PHLPP1: variants seen among roughly 807,000 people sequenced by gnomAD.
The protein encoded by PHLPP1 is PH domain leucine-rich repeat-containing protein phosphatase 1.
A neutral mutation model predicts 117.2 loss-of-function variants in PHLPP1; 42 were observed. The ratio of observed to expected loss-of-function variants is 0.36; its 90% CI spans 0.28 to 0.46. The LOEUF is 0.46. Among genes scored for constraint, PHLPP1 ranks in the 20% least tolerant of loss-of-function variants. PHLPP1 has a pLI of 1.00. For synonymous variants in PHLPP1, 1,042 were observed against 970.7 expected (o/e 1.07, Z -1.37); for missense variants, 2,084 against 2,241.9 (o/e 0.93, Z 1.42).
intron 1 of PHLPP1, among the ~76,000 whole-genome samples, chr18:62,795,492 CAAAAAAAA>C (rs11291832): frequency 4.9e-5 from 3 of 61,400 alleles, no homozygotes; most frequent in Non-Finnish European, 9.9e-5. Context: ...GACTCCATCT[CAAAAAAAA>C]AAAAAAAAAA....
At chr18:62,898,275 G>C (rs1770178186) in intron 6 of PHLPP1, among the ~76,000 whole-genome samples, 1 of 152,182 alleles carries the variant, frequency 6.6e-6, no homozygotes, top group South Asian at 2.1e-4. Context: ...ACAGAGTTCA[G>C]TGTCTTTCTT....
At chr18:62,882,486 C>A (rs962876330) in intron 4 of PHLPP1, among the ~76,000 whole-genome samples, 2 of 152,048 alleles carry the variant, frequency 1.3e-5, no homozygotes, top group African/African-American at 4.8e-5. Context: ...GTCTCAATCT[C>A]CTGACCTCGT....
At chr18:62,839,021 C>G in intron 3 of PHLPP1, 112 bp downstream of exon 3, 1 of 1,091,136 alleles carries the variant, frequency 9.2e-7, no homozygotes, top group Non-Finnish European at 1.3e-6. Flanking sequence ...TTTTTTTCCT[C>G]CCCAGATACT....
Position 62,941,862 on chromosome 18 carries a change from C to T in PHLPP1, c.3105C>T (p.His1035=), listed in dbSNP as rs1599133378. 1 of 1,613,800 alleles carries T rather than the reference C, an allele frequency of 6.2e-7. No individual in the cohort carries two copies. The part of the protein sequence containing the change: ...TDKCVPLLTG[H]PHLKILHMAY... ...AATGTGTGCCCTTGTTAACGGGACA[C>T]CCCCATTTGAAGATCCTTCACATGG... Residue 1035 remains histidine (H), a synonymous_variant, in exon 11 of 17, where the codon CAC becomes CAT. Coordinates refer to ENST00000262719, the MANE Select transcript of PHLPP1 (RefSeq NM_194449.4).
intron 1 of PHLPP1, among the ~76,000 whole-genome samples, chr18:62,824,929 A>G (rs941818009): frequency 2.0e-5 from 3 of 148,218 alleles, no homozygotes; most frequent in Non-Finnish European, 4.5e-5. Flanking sequence ...GCCAATATAT[A>G]TACTTTTTTT....
At chr18:62,853,621 C>T (rs928273250) in intron 3 of PHLPP1, among the ~76,000 whole-genome samples, 6 of 152,134 alleles carry the variant, frequency 3.9e-5, no homozygotes, top group African/African-American at 1.2e-4. Context: ...CTGCCCCCCT[C>T]GGCCCCACAA....
chr18:62,975,647 C>T, intron 16 of PHLPP1, 22 bp downstream of exon 16: 1 of 1,518,058 alleles, frequency 6.6e-7, no homozygotes, highest in Non-Finnish European at 9.2e-7. Context: ...GGGGTGTTGC[C>T]CAGGATGGTG....
chr18:62,965,268 G>C (rs765656714), intron 14 of PHLPP1, among the ~76,000 whole-genome samples: 13 of 152,028 alleles, frequency 8.6e-5, no homozygotes, highest in Non-Finnish European at 1.6e-4. Context: ...TTTAAACACA[G>C]AGTTTGCTGC....
intron 10 of PHLPP1, among the ~76,000 whole-genome samples, chr18:62,931,161 C>T (rs1355425481): frequency 6.6e-6 from 1 of 151,186 alleles, no homozygotes; most frequent in Non-Finnish European, 1.5e-5. Context: ...CACACCACTG[C>T]ACTCCAGCCT....
chr18:62,718,760 TTAAC>T (rs1336767525), intron 1 of PHLPP1, among the ~76,000 whole-genome samples: 1 of 152,214 alleles, frequency 6.6e-6, no homozygotes, highest in Non-Finnish European at 1.5e-5. Context: ...TAGGTGCCCT[TTAAC>T]TACATGGAAG....
intron 1 of PHLPP1, among the ~76,000 whole-genome samples, chr18:62,762,339 T>TA (rs35683641): frequency 0.038 from 5,376 of 142,206 alleles, 135 homozygotes; most frequent in Non-Finnish European, 0.051. Context: ...CTGTAATTAT[T>TA]AAAAAAAAAA....
intron 3 of PHLPP1, among the ~76,000 whole-genome samples, chr18:62,851,767 A>G (rs1915357113): frequency 1.3e-5 from 2 of 151,866 alleles, no homozygotes; most frequent in South Asian, 4.2e-4. Flanking sequence ...CCCATCTCTC[A>G]TTTTTAACCT....
At chr18:62,830,323 C>T (rs146087347) in intron 2 of PHLPP1, 92 bp downstream of exon 2, 1 of 1,003,408 alleles carries the variant, frequency 1.0e-6, no homozygotes, top group East Asian at 2.7e-5. Context: ...TCACTGCAAC[C>T]TCTGCCTCCT....
At chr18:62,968,214 C>T (rs907555991) in intron 14 of PHLPP1, among the ~76,000 whole-genome samples, 1 of 152,156 alleles carries the variant, frequency 6.6e-6, no homozygotes, top group Non-Finnish European at 1.5e-5. Context: ...TAGTCTGTAG[C>T]TCTCTTGTGA....
chr18:62,891,719 G>A (rs1184428539), intron 4 of PHLPP1, among the ~76,000 whole-genome samples: 2 of 125,760 alleles, frequency 1.6e-5, no homozygotes, highest in South Asian at 5.1e-4. Flanking sequence ...GCAAAACTTC[G>A]TCTCTACAAA....
intron 1 of PHLPP1, among the ~76,000 whole-genome samples, chr18:62,781,063 G>A (rs1050338039): frequency 6.6e-6 from 1 of 152,150 alleles, no homozygotes; most frequent in Non-Finnish European, 1.5e-5. Flanking sequence ...AAAGGCCTTG[G>A]CTCAAAGGTT....
chr18:62,945,706 T>C (rs1382103613), intron 12 of PHLPP1, among the ~76,000 whole-genome samples: 2 of 152,202 alleles, frequency 1.3e-5, no homozygotes, highest in Non-Finnish European at 2.9e-5. Context: ...CCCCACCATA[T>C]TAGCCCACTA....
chr18:62,914,254 T>G (rs959010024), intron 8 of PHLPP1, among the ~76,000 whole-genome samples: 2 of 152,190 alleles, frequency 1.3e-5, no homozygotes, highest in African/African-American at 4.8e-5. Flanking sequence ...AAATACAAAT[T>G]TGAAAATAAA....
At chr18:62,765,277 T>C (rs933931877) in intron 1 of PHLPP1, among the ~76,000 whole-genome samples, 4 of 152,238 alleles carry the variant, frequency 2.6e-5, no homozygotes, top group African/African-American at 9.7e-5. Flanking sequence ...CTGGTCATTC[T>C]CTTTTTCTGT....
Sources: gnomAD v4.1 joint callset for allele counts (sites outside exome capture counted in the v4.1 genomes callset) on GRCh38, gnomAD v4.1.1 for gene constraint, MANE v1.5 for transcripts, NCBI Gene and HGNC (gene_info 2026-07-23, HGNC 2026-07-21) for gene names.